Variants in STARD13 observed in about 807,000 individuals in gnomAD.
STARD13 encodes stAR-related lipid transfer protein 13.
In STARD13, 62 loss-of-function variants were observed where a neutral mutation model predicts 106.4. That is an observed-to-expected ratio of 0.58 (90% CI 0.48 to 0.72). The LOEUF is 0.72. Among genes scored for constraint, STARD13 ranks in the 30% least tolerant of loss-of-function variants. The pLI is 0.00. For synonymous variants in STARD13, 565 were observed against 553.0 expected (o/e 1.02, Z -0.31); for missense variants, 1,387 against 1,424.0 (o/e 0.97, Z 0.42).
the STARD13 span, among the ~76,000 whole-genome samples, chr13:33,542,594 C>T: frequency 7.9e-5 from 12 of 152,340 alleles, no homozygotes; most frequent in African/African-American, 2.6e-4. Flanking sequence ...GGCGCGCGCA[C>T]CAGCAACCAG....
chr13:33,233,733 G>T (rs933644757), intron 1 of STARD13, among the ~76,000 whole-genome samples: 2 of 146,782 alleles, frequency 1.4e-5, no homozygotes, highest in African/African-American at 5.1e-5. Flanking sequence ...GCAGATGGCA[G>T]AACTAAAGGA....
chr13:33,621,097 A>G, the STARD13 span, among the ~76,000 whole-genome samples: 1 of 151,954 alleles, frequency 6.6e-6, no homozygotes, highest in African/African-American at 2.4e-5. Context: ...AACTAAACTT[A>G]AAGTAGAAGA....
the STARD13 span, among the ~76,000 whole-genome samples, chr13:33,429,998 A>G: frequency 4.0e-5 from 6 of 151,684 alleles, no homozygotes; most frequent in East Asian, 9.7e-4. Flanking sequence ...GCTCACTGCA[A>G]GCTCCGCCTC....
chr13:33,221,218 T>C (rs1184907295), intron 1 of STARD13, among the ~76,000 whole-genome samples: 1 of 152,200 alleles, frequency 6.6e-6, no homozygotes, highest in Non-Finnish European at 1.5e-5. Context: ...ACTGAAACTG[T>C]ATCCACTGAA....
At chr13:33,364,620 T>G in the STARD13 span, among the ~76,000 whole-genome samples, 1 of 152,234 alleles carries the variant, frequency 6.6e-6, no homozygotes, top group Non-Finnish European at 1.5e-5. Flanking sequence ...CTGGGCGCGG[T>G]GGCTCACGCC....
chr13:33,472,569 C>T, the STARD13 span, among the ~76,000 whole-genome samples: 1 of 151,758 alleles, frequency 6.6e-6, no homozygotes, highest in South Asian at 2.1e-4. Flanking sequence ...CAGACAGTGC[C>T]AGTTGTTCCC....
At chr13:33,288,958 G>A (rs1055405790), upstream of STARD13, among the ~76,000 whole-genome samples, 14 of 152,218 alleles carry the variant, frequency 9.2e-5, no homozygotes, top group African/African-American at 2.6e-4. Context: ...TGATCATATA[G>A]TCCCCGTGTT....
At chr13:33,325,378 A>G (rs746084057) in intron 1 of STARD13, among the ~76,000 whole-genome samples, 1 of 152,180 alleles carries the variant, frequency 6.6e-6, no homozygotes, top group Admixed American at 6.5e-5. Flanking sequence ...CTGCCCACCA[A>G]TATCTCCTGA....
chr13:33,331,526 A>AG (rs747776678), intron 1 of STARD13, among the ~76,000 whole-genome samples: 20 of 130,810 alleles, frequency 1.5e-4, no homozygotes, highest in Admixed American at 7.0e-4. Context: ...CTGATTTTGT[A>AG]TTTTTTTTTT....
chr13:33,593,995 C>T, the STARD13 span, among the ~76,000 whole-genome samples: 1 of 152,150 alleles, frequency 6.6e-6, no homozygotes, highest in African/African-American at 2.4e-5. Flanking sequence ...CAAGCTCTGT[C>T]TCCCGGGTTC....
intron 1 of STARD13, among the ~76,000 whole-genome samples, chr13:33,201,895 C>A (rs138099474): frequency 2.6e-5 from 4 of 151,964 alleles, no homozygotes; most frequent in Admixed American, 2.0e-4. Flanking sequence ...TGTCAGGCAA[C>A]CTTTGGATTC....
intron 1 of STARD13, among the ~76,000 whole-genome samples, chr13:33,210,572 G>A (rs1035733761): frequency 6.6e-6 from 1 of 152,144 alleles, no homozygotes; most frequent in Admixed American, 6.5e-5. Context: ...TTCAATACAT[G>A]CTATCATTCC....
intron 1 of STARD13, among the ~76,000 whole-genome samples, chr13:33,184,359 C>T (rs969063335): frequency 5.9e-5 from 9 of 152,094 alleles, no homozygotes; most frequent in Admixed American, 3.3e-4. Flanking sequence ...TATATGGGCA[C>T]GGCTGCTGCT....
the STARD13 span, among the ~76,000 whole-genome samples, chr13:33,358,512 C>G: frequency 6.6e-6 from 1 of 152,222 alleles, no homozygotes; most frequent in East Asian, 1.9e-4. Flanking sequence ...AATCAGCACC[C>G]TGTGTTTAGC....
chr13:33,578,700 C>T, the STARD13 span, among the ~76,000 whole-genome samples: 1 of 152,082 alleles, frequency 6.6e-6, no homozygotes. Context: ...AAATAATCAT[C>T]AGAGTAAACA....
downstream of STARD13, among the ~76,000 whole-genome samples, chr13:33,344,624 A>C (rs2077999441): frequency 6.6e-6 from 1 of 152,246 alleles, no homozygotes; most frequent in Admixed American, 6.5e-5. Context: ...AACCTGTTTT[A>C]ACATGACAAG....
rs181723051 is a variant in STARD13, at chr13:33,268,647, C to G, written c.169+16823G>C. Among the ~76,000 whole-genome samples the G allele has an allele frequency of 3.7e-3, 563 of 152,364 alleles. 1 individual carries two copies. The highest frequency in any genetic ancestry group is 8.3e-3 in the Admixed American group (127 of 15,304). ...ATCAGTGCTGGAACTAAGATTTGAACGTAGGTCCAGCTAACGCCAAAGCCA... is the reference window on the plus strand; with the variant it reads ...ATCAGTGCTGGAACTAAGATTTGAAGGTAGGTCCAGCTAACGCCAAAGCCA... On this transcript the variant is annotated intron_variant, in intron 1 of 13. Transcript: ENST00000336934.
chr13:33,418,571 C>T, the STARD13 span, among the ~76,000 whole-genome samples: 237 of 152,360 alleles, frequency 1.6e-3, 2 homozygotes, highest in African/African-American at 5.5e-3. Context: ...TGTCTGACAG[C>T]TCTGAAGAGA....
chr13:33,351,511 T>A (rs1435605139), upstream of STARD13, among the ~76,000 whole-genome samples: 1 of 152,176 alleles, frequency 6.6e-6, no homozygotes, highest in Non-Finnish European at 1.5e-5. Flanking sequence ...CAATACTGTC[T>A]CAGGCCTCGG....
Sources: gnomAD v4.1 joint callset for allele counts (sites outside exome capture counted in the v4.1 genomes callset) on GRCh38, gnomAD v4.1.1 for gene constraint, MANE v1.5 for transcripts, NCBI Gene and HGNC (gene_info 2026-07-23, HGNC 2026-07-21) for gene names.